HSCB: variants seen among roughly 807,000 people sequenced by gnomAD.
HSCB encodes HscB mitochondrial iron-sulfur cluster cochaperone, also known as iron-sulfur cluster co-chaperone protein HscB.
HSCB carries 23 observed loss-of-function variants against 31.3 expected under a neutral mutation model. That is an observed-to-expected ratio of 0.74 (90% CI 0.53 to 1.04). The LOEUF (loss-of-function observed/expected upper bound fraction) is 1.04, where lower values mean the gene tolerates loss of function less well. Among genes scored for constraint, HSCB ranks in the 50% least tolerant of loss-of-function variants. The pLI is 0.00. For synonymous variants in HSCB, 110 were observed against 104.5 expected (o/e 1.05, Z -0.32); for missense variants, 297 against 288.1 (o/e 1.03, Z -0.22).
rs5752787 is a variant in HSCB at position 28,753,510 on chromosome 22, A to C, written c.616+2222A>C. 2.7e-5 allele frequency among the ~76,000 whole-genome samples: 4 copies of C among 150,522 alleles called. No homozygotes were observed. In the East Asian group the frequency reaches 8.0e-4, roughly 30 times the overall value. ...ACCATTGCACTCCAGCCTGGGCGAC[A>C]AGAGAAAAACTCCAACTCAAAAAAA... On this transcript the variant is annotated intron_variant, in intron 5 of 5. Coordinates refer to ENST00000216027, the MANE Select transcript of HSCB (RefSeq NM_172002.5).
At position 28,742,067 on chromosome 22, in the gene HSCB, T is replaced by C; in HGVS notation, c.-29T>C. 1 of 1,586,958 alleles carries C rather than the reference T, an allele frequency of 6.3e-7. No homozygotes were observed. The highest frequency in any genetic ancestry group is 2.3e-5 in the East Asian group (1 of 43,838). On this transcript the variant is annotated 5_prime_UTR_variant, in exon 1 of 6. Coordinates refer to ENST00000216027, the MANE Select transcript of HSCB (RefSeq NM_172002.5). The stretch of plus-strand genomic sequence containing the variant: ...CGCTCTCTTTGCTTTTCCCCACGAG[T>C]GACCACGGCTAGATAGGCCGCCGGC...
At chr22:28,756,771 G>A (rs574747742) in intron 5 of HSCB, among the ~76,000 whole-genome samples, 1 of 152,230 alleles carries the variant, frequency 6.6e-6, no homozygotes, top group South Asian at 2.1e-4. Context: ...TGGGATAGCA[G>A]GTATGAGCTC....
rs963899108 is a variant in HSCB at position 28,742,086 on chromosome 22, C to A, written c.-10C>A. ...CACGAGTGACCACGGCTAGATAGGC[C>A]GCCGGCCAGATGTGGCGGGGGAGAG... On this transcript the variant is annotated 5_prime_UTR_variant, in exon 1 of 6. Coordinates refer to ENST00000216027, the MANE Select transcript of HSCB (RefSeq NM_172002.5). 3 of 1,602,742 alleles carry A rather than the reference C, an allele frequency of 1.9e-6. No individual in the cohort carries two copies. The African/African-American group carries it at 4.0e-5, about 21-fold the overall frequency.
chr22:28,755,436 A>T (rs953742863), intron 5 of HSCB, among the ~76,000 whole-genome samples: 1 of 151,990 alleles, frequency 6.6e-6, no homozygotes, highest in African/African-American at 2.4e-5. Flanking sequence ...AAATAAATTA[A>T]ATTGAGAAAT....
chr22:28,757,314 GTC>G lies in HSCB; in HGVS notation c.*149_*150del, dbSNP rs1421346651. ...AGCTTGGCCAACATAGTGAAACCCC[GTC>G]TCTGCTGAAAATACAAAAATTAGCC... is the stretch of plus-strand genomic sequence containing the variant. On this transcript the variant is annotated 3_prime_UTR_variant, in exon 6 of 6. Transcript: ENST00000216027. The G allele has an allele frequency of 2.0e-6, 1 of 488,078 alleles. No individual in the cohort carries two copies. Among genetic ancestry groups the G allele is most frequent in the Non-Finnish European group, 3.9e-6 (1 of 257,986 alleles). 30.2% of individuals were successfully genotyped at this position (488,078 alleles called of 1,614,324 possible).
rs750328296 is a variant in HSCB, at chr22:28,754,634, C to T, written c.617-2444C>T. Among the ~76,000 whole-genome samples the T allele has an allele frequency of 2.8e-4, 42 of 151,864 alleles. No individual in the cohort carries two copies. The Middle Eastern group carries it at 0.014, about 49-fold the overall frequency. On this transcript the variant is annotated intron_variant, in intron 5 of 5. Coordinates refer to ENST00000216027, the MANE Select transcript of HSCB (RefSeq NM_172002.5). ...GCAGTGAGCCAAGATCATGCCACTGCATTCCAGCCTGGGCAACAAAGCAAG... is the reference window on the plus strand; with the variant it reads ...GCAGTGAGCCAAGATCATGCCACTGTATTCCAGCCTGGGCAACAAAGCAAG...
chr22:28,756,197 G>A (rs2030585772), intron 5 of HSCB, among the ~76,000 whole-genome samples: 1 of 151,000 alleles, frequency 6.6e-6, no homozygotes, highest in Non-Finnish European at 1.5e-5. Context: ...GCAGTGAGCT[G>A]AGATCACGCC....
chr22:28,754,118 C>T (rs920288837), intron 5 of HSCB, among the ~76,000 whole-genome samples: 1 of 145,314 alleles, frequency 6.9e-6, no homozygotes, highest in African/African-American at 2.6e-5. Flanking sequence ...GCAACAAGAG[C>T]GAAACTCCAT....
chr22:28,750,123 C>T (rs530227151), intron 4 of HSCB, among the ~76,000 whole-genome samples: 1 of 151,842 alleles, frequency 6.6e-6, no homozygotes, highest in African/African-American at 2.4e-5. Context: ...GTGGCACACA[C>T]CTATAATCCC....
chr22:28,751,661 G>A (rs898922270), intron 5 of HSCB, among the ~76,000 whole-genome samples: 14 of 151,746 alleles, frequency 9.2e-5, no homozygotes, highest in Admixed American at 3.9e-4. Context: ...CAGGAGAATC[G>A]CTTGAACCAG....
At chr22:28,750,943 G>GTCTTTTTTTTTTTTT (rs2030185698) in intron 4 of HSCB, among the ~76,000 whole-genome samples, 1 of 62,050 alleles carries the variant, frequency 1.6e-5, no homozygotes. Flanking sequence ...GTATATCTTT[G>GTCTTTTTTTTTTTTT]TCTTTTTTTT....
Position 28,751,228 on chromosome 22 carries a change from T to C in HSCB, c.569-13T>C. ...TTCAATGGAAAAATTAACAGAATGGTTTTCTTTTTCAGCTAAACAGAAAGA... is the reference window on the plus strand; with the variant it reads ...TTCAATGGAAAAATTAACAGAATGGCTTTCTTTTTCAGCTAAACAGAAAGA... On this transcript the variant is annotated splice_polypyrimidine_tract_variant and intron_variant, in intron 4 of 5. Transcript: ENST00000216027. 1.3e-6 allele frequency: 2 copies of C among 1,564,248 alleles called. No homozygotes were observed. The highest frequency in any genetic ancestry group is 1.8e-6 in the Non-Finnish European group (2 of 1,140,004).
intron 4 of HSCB, among the ~76,000 whole-genome samples, chr22:28,747,876 TC>T (rs144567592): frequency 1.3e-5 from 2 of 149,616 alleles, no homozygotes; most frequent in Admixed American, 1.3e-4. Flanking sequence ...TCCCCACCTT[TC>T]CCCCCCAAAA....
In HSCB at chr22:28,743,896, G is replaced by C. The variant is rs781681686; in HGVS notation, c.251G>C (p.Arg84Thr). ...FSLMDCNRSF[R>T]VDTAKLQHRY... ...TTTCCTTCCAGCAACCGTTCCTTCA[G>C]AGTTGATACAGCGAAGCTCCAGCAC... Residue 84 changes from arginine to threonine, a missense_variant, in exon 2 of 6, where the codon AGA becomes ACA. Transcript: ENST00000216027. 6.2e-7 allele frequency: 1 copy of C among 1,614,006 alleles called. No individual in the cohort carries two copies. Among genetic ancestry groups the C allele is most frequent in the Non-Finnish European group, 8.5e-7 (1 of 1,179,952 alleles).
At chr22:28,753,395 G>A (rs947194630) in intron 5 of HSCB, among the ~76,000 whole-genome samples, 4 of 151,752 alleles carry the variant, frequency 2.6e-5, no homozygotes, top group African/African-American at 9.7e-5. Context: ...TGGCATGGTG[G>A]CGGGCGCCTG....
chr22:28,744,899 A>G (rs2054659062), intron 3 of HSCB, among the ~76,000 whole-genome samples, 195 bp downstream of exon 3: 1 of 151,986 alleles, frequency 6.6e-6, no homozygotes, highest in South Asian at 2.1e-4. Flanking sequence ...CCTGGGCAAC[A>G]TGATGACACC....
chr22:28,753,705 GCGGGC>G (rs1243434710), intron 5 of HSCB, among the ~76,000 whole-genome samples: 1 of 151,806 alleles, frequency 6.6e-6, no homozygotes, highest in Non-Finnish European at 1.5e-5. Flanking sequence ...AGGCGTGGTG[GCGGGC>G]ACCTGTAGTC....
At chr22:28,757,051 T>C in intron 5 of HSCB, 27 bp from the exon 6 acceptor site, 1 of 1,298,396 alleles carries the variant, frequency 7.7e-7, no homozygotes, top group Non-Finnish European at 1.1e-6. Flanking sequence ...AAATGAAGCC[T>C]GACTTCAGTG....
chr22:28,757,432 C>T lies in HSCB; in HGVS notation c.*263C>T. Reference sequence around the variant, plus strand: ...CCCGTGAGGTGGAGGTTGCAGTGAGCAGAGATCACGCAACTGCACTCCAGC... The same window carrying T: ...CCCGTGAGGTGGAGGTTGCAGTGAGTAGAGATCACGCAACTGCACTCCAGC... On this transcript the variant is annotated 3_prime_UTR_variant, in exon 6 of 6. Transcript: ENST00000216027. 3.2e-6 allele frequency: 1 copy of T among 308,844 alleles called. No individual in the cohort carries two copies. The highest frequency in any genetic ancestry group is 9.2e-5 in the East Asian group (1 of 10,824). The allele number at this position is 308,844 out of a possible 1,614,324, so 19.1% of individuals were successfully genotyped here.
Sources: gnomAD v4.1 joint callset for allele counts (sites outside exome capture counted in the v4.1 genomes callset) on GRCh38, gnomAD v4.1.1 for gene constraint, MANE v1.5 for transcripts, NCBI Gene and HGNC (gene_info 2026-07-23, HGNC 2026-07-21) for gene names.